ARSD: variants seen among roughly 807,000 people sequenced by gnomAD.
ARSD encodes testis tissue sperm-binding protein Li 39a.
ARSD carries 21 observed loss-of-function variants against 32.6 expected under a neutral mutation model. That is an observed-to-expected ratio of 0.64 (90% confidence interval 0.46 to 0.93). The LOEUF is 0.93. Ranked by LOEUF, ARSD falls within the 40% of genes least tolerant of loss-of-function variation. ARSD has a pLI of 0.00. For missense variants in ARSD, 454 were observed against 520.9 expected (o/e 0.87, Z 1.25); for synonymous variants, 224 against 237.4 (o/e 0.94, Z 0.52).
intron 7 of ARSD, among the ~76,000 whole-genome samples, chrX:2,910,313 GTATT>G: frequency 1.2e-5 from 1 of 85,442 alleles, no homozygotes; most frequent in Admixed American, 1.3e-4. Flanking sequence ...TTTAAAATAT[GTATT>G]ATTATGCATC....
At chrX:2,909,080 G>GCACACACACACACA (rs60574020) in intron 8 of ARSD, among the ~76,000 whole-genome samples, 52 of 105,926 alleles carry the variant, frequency 4.9e-4, no homozygotes, top group Middle Eastern at 9.6e-3. Flanking sequence ...TAAGCAGAGT[G>GCACACACACACACA]CACACACACA....
intron 6 of ARSD, chrX:2,914,833 C>A: frequency 9.9e-7 from 1 of 1,010,568 alleles, no homozygotes; most frequent in Non-Finnish European, 1.3e-6. Flanking sequence ...ACTGAAGAAG[C>A]AAATAAATGA....
chrX:2,923,596 G>C (rs1009742267), intron 2 of ARSD, among the ~76,000 whole-genome samples: 2 of 112,298 alleles, frequency 1.8e-5, no homozygotes, highest in Non-Finnish European at 3.8e-5. Flanking sequence ...TGGGCTCGTA[G>C]ACACCATCTT....
rs17331014 is a variant in ARSD, at chrX:2,904,560, G to T, written c.*2711C>A. ...ACTAACCAACTCCCTGACCTCCTTCGGTTAAGTGCTCCTTCCTTTTTCCTG... is the reference window on the plus strand; with the variant it reads ...ACTAACCAACTCCCTGACCTCCTTCTGTTAAGTGCTCCTTCCTTTTTCCTG... On this transcript the variant is annotated 3_prime_UTR_variant, in exon 10 of 10. Coordinates refer to ENST00000381154, the MANE Select transcript of ARSD (RefSeq NM_001669.4). The T allele has an allele frequency of 0.16, 17,986 of 112,404 alleles. 2,079 individuals carry two copies. The highest frequency in any genetic ancestry group is 0.43 in the East Asian group (1,498 of 3,457). The allele number at this position is 112,404 out of a possible 1,213,427, so 9.3% of individuals were successfully genotyped here. A position where few individuals can be genotyped will look rare whatever the true frequency, so the allele number is the denominator to read the frequency against.
chrX:2,918,156 C>A lies in ARSD; in HGVS notation c.511G>T (p.Asp171Tyr), dbSNP rs1427358243. ...GTGAAGGGCATGCCGTAGAAATAGT[C>A]AAATCCGTGGTTCAGGGGGTGGTGG... ...HCHHPLNHGFDYFYGMPFTLT... is the reference protein window; with the variant it reads ...HCHHPLNHGFYYFYGMPFTLT... Residue 171 changes from aspartate (D) to tyrosine (Y), a missense_variant, in exon 5 of 10, where the codon GAC (aspartate) becomes TAC (tyrosine). Physicochemically the swap from Asp to Tyr is radical, Grantham distance 160. Around this residue, in one of 3 missense-constraint regions of ARSD, gnomAD observed 271 missense variants for 301.0 expected, o/e 0.90. Transcript: ENST00000381154. The A allele has an allele frequency of 2.5e-6, 3 of 1,198,554 alleles. No individual in the cohort carries two copies. The Admixed American group carries it at 6.6e-5, about 27-fold the overall frequency.
Position 2,920,583 on chromosome X carries a change from GCT to G in ARSD, c.439+16_439+17del. 1.7e-6 allele frequency: 2 copies of G among 1,210,741 alleles called. No individual in the cohort carries two copies. The highest frequency in any genetic ancestry group is 2.2e-6 in the Non-Finnish European group (2 of 895,060). ...ATTCCCAACCACCGTATAATGTGAGGCTCCCACATATCCACACCTATGAGGCC... is the reference window on the plus strand; with the variant it reads ...ATTCCCAACCACCGTATAATGTGAGGCCCACATATCCACACCTATGAGGCC... On this transcript the variant is annotated intron_variant, in intron 4 of 9. Coordinates refer to ENST00000381154, the MANE Select transcript of ARSD (RefSeq NM_001669.4).
intron 8 of ARSD, among the ~76,000 whole-genome samples, chrX:2,909,413 C>G (rs1603461007): frequency 9.0e-6 from 1 of 111,219 alleles, no homozygotes; most frequent in East Asian, 2.8e-4. Context: ...GTCTCGAATT[C>G]CTGACCTAAG....
chrX:2,907,399 G>A lies in ARSD; in HGVS notation c.1654C>T (p.Arg552Trp), dbSNP rs2088860204. The A allele has an allele frequency of 9.9e-6, 12 of 1,212,128 alleles. No homozygotes were observed. The highest frequency in any genetic ancestry group is 1.7e-5 in the African/African-American group (1 of 57,951). The change falls in exon 10 of 10, where the codon CGG becomes TGG. Residue 552 changes from arginine to tryptophan, a missense_variant. This residue lies in a region of ARSD where 179 missense variants were observed against 198.5 expected (regional missense o/e 0.90). Coordinates refer to ENST00000381154, the MANE Select transcript of ARSD (RefSeq NM_001669.4). ...ARVGAAVSEH[R>W]QTLSPVPQQF... ...TGGGGCACAGGACTCAGGGTCTGCC[G>A]ATGCTCCGACACCGCGGCACCTACC...
At chrX:2,908,546 C>G (rs2088874583) in intron 9 of ARSD, among the ~76,000 whole-genome samples, 175 bp downstream of exon 9, 1 of 92,616 alleles carries the variant, frequency 1.1e-5, no homozygotes, top group African/African-American at 4.1e-5. Flanking sequence ...CCCCCCCCAT[C>G]ATCTATCTAT....
chrX:2,913,247 G>A (rs1603461079), intron 6 of ARSD, among the ~76,000 whole-genome samples: 1 of 112,437 alleles, frequency 8.9e-6, no homozygotes, highest in Non-Finnish European at 1.9e-5. Context: ...ATAAGGAGTT[G>A]TGGAGACCAA....
In ARSD at chrX:2,907,192, T is replaced by A. The variant is rs2088857877; in HGVS notation, c.*79A>T. The stretch of plus-strand genomic sequence containing the variant: ...GCATGTTCCTTGCAAAAAGGGAAGC[T>A]GAAGATAGAACCAAGCTTGGAGAAT... On this transcript the variant is annotated 3_prime_UTR_variant, in exon 10 of 10. Coordinates refer to ENST00000381154, the MANE Select transcript of ARSD (RefSeq NM_001669.4). 7.0e-6 allele frequency: 7 copies of A among 996,074 alleles called. No individual in the cohort carries two copies. Among genetic ancestry groups the A allele is most frequent in the Non-Finnish European group, 9.7e-6 (7 of 724,487 alleles). 82.1% of individuals were successfully genotyped at this position (996,074 alleles called of 1,213,427 possible). A position where few individuals can be genotyped will look rare whatever the true frequency, so the allele number is the denominator to read the frequency against.
At chrX:2,914,784 G>A in intron 6 of ARSD, 1 of 1,025,272 alleles carries the variant, frequency 9.8e-7, no homozygotes, top group Non-Finnish European at 1.3e-6. Flanking sequence ...CTGTGTAGAA[G>A]GTTGATTTTG....
chrX:2,919,955 T>G (rs886601573), intron 4 of ARSD, among the ~76,000 whole-genome samples: 3 of 111,751 alleles, frequency 2.7e-5, no homozygotes, highest in African/African-American at 9.8e-5. Flanking sequence ...CTCCTTTGAC[T>G]GTCATAAATC....
At chrX:2,914,118 C>G in intron 6 of ARSD, 1 of 749,732 alleles carries the variant, frequency 1.3e-6, no homozygotes, top group Non-Finnish European at 1.6e-6. Flanking sequence ...TATTTCTTTG[C>G]AAGAATGGAC....
At chrX:2,918,289 A>C in intron 4 of ARSD, 62 bp from the exon 5 acceptor site, 1 of 1,043,795 alleles carries the variant, frequency 9.6e-7, no homozygotes, top group Non-Finnish European at 1.3e-6. Flanking sequence ...TGCTGCAAAG[A>C]ACCTCGGAAT....
Position 2,913,735 on chromosome X carries a change from C to T in ARSD, c.1000+1821G>A, listed in dbSNP as rs779056754. The T allele has an allele frequency of 3.2e-3, 3,055 of 944,096 alleles. 4 individuals are homozygous for T. The highest frequency in any genetic ancestry group is 3.9e-3 in the Non-Finnish European group (2,915 of 740,122). The allele number at this position is 944,096 out of a possible 1,213,427, so 77.8% of individuals were successfully genotyped here. ...AGTCATTGGCTGTGTAGAAGGTTGACAATATAGTTTGGATGTGTGTCCCCG... is the reference window on the plus strand; with the variant it reads ...AGTCATTGGCTGTGTAGAAGGTTGATAATATAGTTTGGATGTGTGTCCCCG... On this transcript the variant is annotated intron_variant, in intron 6 of 9. Coordinates refer to ENST00000381154, the MANE Select transcript of ARSD (RefSeq NM_001669.4).
intron 9 of ARSD, 187 bp from the exon 10 acceptor site, chrX:2,907,819 T>A (rs1265336722): frequency 2.0e-6 from 2 of 981,914 alleles, no homozygotes; most frequent in African/African-American, 3.9e-5. Flanking sequence ...TGTGCGCGCG[T>A]GCGCCCATGT....
chrX:2,910,828 A>G (rs1160984633), intron 6 of ARSD, 35 bp from the exon 7 acceptor site: 12 of 1,193,603 alleles, frequency 1.0e-5, no homozygotes, highest in African/African-American at 1.8e-5. Context: ...GGACCAAGAA[A>G]ACAAAGCAGC....
At position 2,929,251 on chromosome X, in the gene ARSD, G is replaced by A. The variant is rs767054151; in HGVS notation, c.25C>T (p.Arg9Cys). 3.5e-4 allele frequency: 364 copies of A among 1,031,436 alleles called. 6 individuals carry two copies. In the South Asian group the frequency reaches 9.6e-3, roughly 27 times the overall value. 85.0% of individuals were successfully genotyped at this position (1,031,436 alleles called of 1,213,427 possible). ...AGGCACCTGGCGGCGGGCGCGGCGC[G>A]TCCCCTCCGCGCGGCGGATCGCATG... The part of the protein sequence containing the change: MRSAARRG[R>C]AAPAARDSLP... Residue 9 changes from arginine to cysteine, a missense_variant, in exon 1 of 10, where the codon CGC (arginine) becomes TGC (cysteine). This residue lies in a region of ARSD where 271 missense variants were observed against 301.0 expected (regional missense o/e 0.90). Coordinates refer to ENST00000381154, the MANE Select transcript of ARSD (RefSeq NM_001669.4).
Sources: allele counts gnomAD v4.1 joint callset (sites outside exome capture counted in the v4.1 genomes callset), GRCh38; gene constraint gnomAD v4.1.1; regional missense constraint gnomAD v4.1.1; transcripts MANE v1.5; gene names NCBI Gene and HGNC (gene_info 2026-07-23, HGNC 2026-07-21).